Variants in ROBO1 observed in about 807,000 individuals in gnomAD.
ROBO1 encodes the protein roundabout homolog 1.
A neutral mutation model predicts 195.9 loss-of-function variants in ROBO1; 149 were observed. That is an observed-to-expected ratio of 0.76 (90% CI 0.67 to 0.87). The LOEUF is 0.87. ROBO1 is among the 40% of genes least tolerant of loss of function. ROBO1 has a pLI of 0.00. For synonymous variants in ROBO1, 816 were observed against 733.2 expected (o/e 1.11, Z -1.82); for missense variants, 1,933 against 2,068.3 (o/e 0.93, Z 1.27).
chr3:79,620,394 G>A (rs1182999084), intron 1 of ROBO1, among the ~76,000 whole-genome samples: 2 of 152,062 alleles, frequency 1.3e-5, no homozygotes, highest in Non-Finnish European at 2.9e-5. Flanking sequence ...CAAAACGGAG[G>A]CAACCCACTC....
At chr3:79,196,650 G>A (rs2081643290) in intron 2 of ROBO1, among the ~76,000 whole-genome samples, 1 of 151,670 alleles carries the variant, frequency 6.6e-6, no homozygotes, top group Admixed American at 6.6e-5. Flanking sequence ...ATGAAGCTGA[G>A]CCTCATAGGA....
Position 79,098,840 on chromosome 3 carries a change from G to A in ROBO1, c.172+26616C>T, listed in dbSNP as rs151283323. Among the ~76,000 whole-genome samples the A allele has an allele frequency of 2.9e-4, 44 of 151,564 alleles. No homozygotes were observed. The East Asian group carries it at 8.4e-3, about 29-fold the overall frequency. On this transcript the variant is annotated intron_variant, in intron 3 of 30. Coordinates refer to ENST00000464233, the MANE Select transcript of ROBO1 (RefSeq NM_002941.4). ...TATCATACTTTTTCATATTGTCACT[G>A]TCGAAGATGGCCGACAGATGAATGA...
intron 2 of ROBO1, among the ~76,000 whole-genome samples, chr3:79,244,225 C>T (rs1244548176): frequency 6.6e-6 from 1 of 152,066 alleles, no homozygotes; most frequent in Admixed American, 6.6e-5. Flanking sequence ...ATAACAAGAA[C>T]TCATTAAGGT....
At chr3:78,976,410 G>A (rs755106386) in intron 3 of ROBO1, among the ~76,000 whole-genome samples, 23 of 152,258 alleles carry the variant, frequency 1.5e-4, no homozygotes, top group African/African-American at 4.6e-4. Context: ...CCACTGTGCC[G>A]GTGAGTCTTT....
At chr3:79,596,676 G>A (rs553533800) in intron 1 of ROBO1, among the ~76,000 whole-genome samples, 9 of 151,960 alleles carry the variant, frequency 5.9e-5, no homozygotes, top group South Asian at 4.1e-4. Flanking sequence ...TAAGTAACTC[G>A]TCTGCAAGAA....
intron 2 of ROBO1, among the ~76,000 whole-genome samples, chr3:79,433,844 C>A (rs2107059160): frequency 6.6e-6 from 1 of 152,112 alleles, no homozygotes; most frequent in South Asian, 2.1e-4. Context: ...GTACTGGTAC[C>A]AAAACAGAGA....
intron 1 of ROBO1, among the ~76,000 whole-genome samples, chr3:79,591,118 T>C (rs1161674247): frequency 9.2e-5 from 14 of 151,838 alleles, no homozygotes; most frequent in Admixed American, 9.2e-4. Flanking sequence ...GTGGAAAGAC[T>C]TAATCTTTTA....
At chr3:78,874,747 C>A (rs1022069969) in intron 4 of ROBO1, among the ~76,000 whole-genome samples, 7 of 151,924 alleles carry the variant, frequency 4.6e-5, no homozygotes, top group African/African-American at 1.7e-4. Context: ...ATAAGTAATT[C>A]TTTTCTATAA....
chr3:79,223,307 G>C (rs759721180), intron 2 of ROBO1, among the ~76,000 whole-genome samples: 2 of 152,032 alleles, frequency 1.3e-5, no homozygotes, highest in Non-Finnish European at 2.9e-5. Flanking sequence ...ATAAATCTAC[G>C]TTCCCCTCTT....
intron 3 of ROBO1, among the ~76,000 whole-genome samples, chr3:78,991,334 T>C (rs1205991640): frequency 6.6e-6 from 1 of 151,938 alleles, no homozygotes; most frequent in Non-Finnish European, 1.5e-5. Context: ...CTCTGGAAAA[T>C]GTAGAAGTGT....
intron 1 of ROBO1, among the ~76,000 whole-genome samples, chr3:79,649,991 T>G (rs989338598): frequency 6.6e-6 from 1 of 152,064 alleles, no homozygotes; most frequent in Non-Finnish European, 1.5e-5. Context: ...TAGATAATTA[T>G]TGACAAAAAT....
intron 4 of ROBO1, among the ~76,000 whole-genome samples, chr3:78,915,422 C>T (rs954279611): frequency 1.3e-5 from 2 of 152,148 alleles, no homozygotes; most frequent in East Asian, 3.8e-4. Context: ...CATAATCCTC[C>T]ATTTTTACTT....
chr3:79,019,482 C>A, intron 3 of ROBO1: 7 of 986,294 alleles, frequency 7.1e-6, no homozygotes, highest in African/African-American at 1.7e-5. Context: ...CCCCCACAGT[C>A]CCCGCGGCTC....
chr3:79,549,590 T>C (rs1015479386), intron 2 of ROBO1, among the ~76,000 whole-genome samples: 2 of 152,202 alleles, frequency 1.3e-5, no homozygotes, highest in Non-Finnish European at 2.9e-5. Context: ...ACATAGCATT[T>C]CTATTATATT....
rs2041324668 is a variant in ROBO1, at chr3:78,961,146, C to T, written c.173-22219G>A. 2.0e-5 allele frequency among the ~76,000 whole-genome samples: 3 copies of T among 152,140 alleles called. No homozygotes were observed. The South Asian group carries it at 6.2e-4, about 31-fold the overall frequency. ...CACTATACATATACTGGCAATACTT[C>T]TGCAACCTTTGAACTTAAAGATATT... On this transcript the variant is annotated intron_variant, in intron 3 of 30. Coordinates refer to ENST00000464233, the MANE Select transcript of ROBO1 (RefSeq NM_002941.4).
intron 2 of ROBO1, among the ~76,000 whole-genome samples, chr3:79,279,762 T>C (rs750410765): frequency 6.6e-6 from 1 of 152,220 alleles, no homozygotes; most frequent in African/African-American, 2.4e-5. Context: ...TGATGTGATG[T>C]ATATATCACA....
At chr3:79,000,378 T>A (rs369122970) in intron 3 of ROBO1, among the ~76,000 whole-genome samples, 1 of 152,184 alleles carries the variant, frequency 6.6e-6, no homozygotes, top group Non-Finnish European at 1.5e-5. Context: ...CTAGCATGTT[T>A]ACTCTGATGA....
intron 8 of ROBO1, chr3:78,693,071 A>G: frequency 2.7e-6 from 1 of 370,398 alleles, no homozygotes; most frequent in East Asian, 4.3e-5. Flanking sequence ...TAATCCTATC[A>G]CTTATTTCAG....
At chr3:79,244,234 G>C (rs1200567569) in intron 2 of ROBO1, among the ~76,000 whole-genome samples, 1 of 151,956 alleles carries the variant, frequency 6.6e-6, no homozygotes, top group Non-Finnish European at 1.5e-5. Context: ...ACTCATTAAG[G>C]TTAGCTCTCT....
Sources: allele counts gnomAD v4.1 joint callset (sites outside exome capture counted in the v4.1 genomes callset), GRCh38; gene constraint gnomAD v4.1.1; transcripts MANE v1.5; gene names NCBI Gene and HGNC (gene_info 2026-07-23, HGNC 2026-07-21).